Variants in WDR70 observed in about 807,000 individuals in gnomAD.
WDR70 encodes WD repeat domain 70, also known as WD repeat-containing protein 70.
In WDR70, 53 loss-of-function variants were observed where a neutral mutation model predicts 88.6. The observed-to-expected ratio is 0.60, with a 90% CI of 0.48 to 0.75. WDR70 has a LOEUF of 0.75. WDR70 is among the 30% of genes least tolerant of loss of function. WDR70 has a pLI of 0.00. For synonymous variants in WDR70, 280 were observed against 270.0 expected (o/e 1.04, Z -0.36); for missense variants, 610 against 823.2 (o/e 0.74, Z 3.17).
chr5:37,573,885 A>C (rs567324460), intron 9 of WDR70, among the ~76,000 whole-genome samples: 61 of 152,126 alleles, frequency 4.0e-4, no homozygotes, highest in African/African-American at 1.4e-3. Context: ...AACCCTCAGC[A>C]CGCTGGATCA....
intron 10 of WDR70, among the ~76,000 whole-genome samples, chr5:37,664,547 A>G (rs1225242738): frequency 1.3e-5 from 2 of 152,130 alleles, no homozygotes; most frequent in Non-Finnish European, 2.9e-5. Context: ...TTCTTTTCCC[A>G]TCTTCTATTC....
At chr5:37,395,413 T>G (rs573806756) in intron 4 of WDR70, among the ~76,000 whole-genome samples, 1 of 152,204 alleles carries the variant, frequency 6.6e-6, no homozygotes, top group East Asian at 1.9e-4. Context: ...TAGTGATAAG[T>G]AGAAAAGAGG....
Position 37,379,505 on chromosome 5 carries a change from G to A in WDR70, c.42G>A (p.Ala14=), listed in dbSNP as rs769814261. 1 of 1,614,000 alleles carries A rather than the reference G, an allele frequency of 6.2e-7. No individual in the cohort carries two copies. The highest frequency in any genetic ancestry group is 1.1e-5 in the South Asian group (1 of 91,076). The change falls in exon 2 of 18, where the codon GCG becomes GCA. Residue 14 remains alanine, a synonymous_variant. Transcript: ENST00000265107. ...SGPSEVTGSD[A]SGPDPQLAVT... ...TTGCTCCAGTGACAGGCTCAGACGCGTCGGGACCGGACCCGCAGCTTGCGG... is the reference window on the plus strand; with the variant it reads ...TTGCTCCAGTGACAGGCTCAGACGCATCGGGACCGGACCCGCAGCTTGCGG...
At chr5:37,633,912 G>A (rs557162510) in intron 10 of WDR70, among the ~76,000 whole-genome samples, 8 of 152,052 alleles carry the variant, frequency 5.3e-5, no homozygotes, top group African/African-American at 1.2e-4. Flanking sequence ...GATAGTGATC[G>A]CCAGTTTGTG....
rs78771772 is a variant in WDR70 at position 37,648,876 on chromosome 5, G to C, written c.1092+43638G>C. Among the ~76,000 whole-genome samples the C allele has an allele frequency of 2.0e-5, 3 of 152,042 alleles. No individual in the cohort carries two copies. The East Asian group carries it at 5.8e-4, about 29-fold the overall frequency. ...ACTTTCGTCTCTTTTAACATTCATT[G>C]ATCCTATTGAATTTTGCTTCTTATT... On this transcript the variant is annotated intron_variant, in intron 10 of 17. Coordinates refer to ENST00000265107, the MANE Select transcript of WDR70 (RefSeq NM_018034.4).
chr5:37,504,704 A>G (rs1261236906), intron 8 of WDR70, among the ~76,000 whole-genome samples: 1 of 152,178 alleles, frequency 6.6e-6, no homozygotes, highest in Non-Finnish European at 1.5e-5. Context: ...TTTACCCTTT[A>G]CTGTTAAGGA....
At chr5:37,594,249 T>G (rs1412549766) in intron 9 of WDR70, among the ~76,000 whole-genome samples, 1 of 152,138 alleles carries the variant, frequency 6.6e-6, no homozygotes, top group South Asian at 2.1e-4. Flanking sequence ...ATTGCCTAGG[T>G]TTTCTTCTAG....
intron 9 of WDR70, among the ~76,000 whole-genome samples, chr5:37,546,504 A>G (rs576894953): frequency 2.6e-5 from 4 of 152,250 alleles, no homozygotes; most frequent in Non-Finnish European, 5.9e-5. Flanking sequence ...TATAGGGATT[A>G]TATACTGTAG....
chr5:37,486,667 T>A (rs1271109996), intron 8 of WDR70, among the ~76,000 whole-genome samples: 1 of 152,050 alleles, frequency 6.6e-6, no homozygotes, highest in Non-Finnish European at 1.5e-5. Flanking sequence ...TAATAACCAT[T>A]CTGACTGGTG....
At chr5:37,526,432 GC>G (rs1741275607) in intron 9 of WDR70, among the ~76,000 whole-genome samples, 3 of 152,086 alleles carry the variant, frequency 2.0e-5, no homozygotes, top group Admixed American at 2.0e-4. Flanking sequence ...AAATTCAATA[GC>G]CCTTCATGCT....
intron 9 of WDR70, among the ~76,000 whole-genome samples, chr5:37,530,307 G>T (rs190019577): frequency 1.3e-5 from 2 of 152,192 alleles, no homozygotes; most frequent in East Asian, 3.9e-4. Flanking sequence ...GTATTAGAGT[G>T]ATACCTGCTT....
chr5:37,460,695 A>AG (rs1738967025), intron 7 of WDR70, among the ~76,000 whole-genome samples: 1 of 145,348 alleles, frequency 6.9e-6, no homozygotes, highest in Admixed American at 6.9e-5. Flanking sequence ...TATAATAAAA[A>AG]AAAACATTAA....
chr5:37,652,018 A>G (rs183601771), intron 10 of WDR70, among the ~76,000 whole-genome samples: 2 of 152,330 alleles, frequency 1.3e-5, no homozygotes, highest in African/African-American at 2.4e-5. Context: ...GTCTTTGCCC[A>G]TGCCAATGTC....
intron 5 of WDR70, among the ~76,000 whole-genome samples, chr5:37,418,055 A>G (rs1749817288): frequency 6.6e-6 from 1 of 152,212 alleles, no homozygotes; most frequent in South Asian, 2.1e-4. Flanking sequence ...CTGATTGGAA[A>G]AGAGAAAATT....
intron 4 of WDR70, among the ~76,000 whole-genome samples, chr5:37,394,054 C>T (rs1748930274): frequency 6.6e-6 from 1 of 151,812 alleles, no homozygotes; most frequent in Non-Finnish European, 1.5e-5. Flanking sequence ...TGCCTGTAAT[C>T]CCAGCACTTT....
intron 10 of WDR70, among the ~76,000 whole-genome samples, chr5:37,683,561 G>C (rs532859355): frequency 1.3e-5 from 2 of 152,210 alleles, no homozygotes; most frequent in East Asian, 3.9e-4. Context: ...CTCAGTATTT[G>C]CTTGTTTGAA....
intron 8 of WDR70, among the ~76,000 whole-genome samples, chr5:37,500,802 C>T (rs1474368018): frequency 4.9e-5 from 7 of 142,822 alleles, no homozygotes; most frequent in African/African-American, 1.0e-4. Flanking sequence ...CTCAGCTCAC[C>T]GCAGCCTCTG....
At chr5:37,586,007 A>C (rs1743354095) in intron 9 of WDR70, among the ~76,000 whole-genome samples, 1 of 152,102 alleles carries the variant, frequency 6.6e-6, no homozygotes, top group Non-Finnish European at 1.5e-5. Flanking sequence ...ATTCCTTTCA[A>C]GACCCCTTTC....
chr5:37,625,010 T>A (rs1247435112), intron 10 of WDR70, among the ~76,000 whole-genome samples: 1 of 152,188 alleles, frequency 6.6e-6, no homozygotes, highest in Non-Finnish European at 1.5e-5. Flanking sequence ...TGACTAGCTT[T>A]GAGGAATAGG....
Sources: gnomAD v4.1 joint callset for allele counts (sites outside exome capture counted in the v4.1 genomes callset) on GRCh38, gnomAD v4.1.1 for gene constraint, MANE v1.5 for transcripts, NCBI Gene and HGNC (gene_info 2026-07-23, HGNC 2026-07-21) for gene names.